NCKAP1L: variants seen among roughly 807,000 people sequenced by gnomAD.
The protein encoded by NCKAP1L is NCK associated protein 1 like, also known as nck-associated protein 1-like.
Under a neutral mutation model 139.2 loss-of-function variants are expected in NCKAP1L, and 53 were observed. The observed-to-expected ratio is 0.38, with a 90% CI of 0.31 to 0.48. NCKAP1L has a LOEUF of 0.48. Among genes scored for constraint, NCKAP1L ranks in the 20% least tolerant of loss-of-function variants. NCKAP1L has a pLI of 0.98. For synonymous variants in NCKAP1L, 468 were observed against 499.7 expected, an observed-to-expected ratio of 0.94 and a Z score of 0.85; for missense variants, 1,151 against 1,381.9, an observed-to-expected ratio of 0.83 and a Z score of 2.65.
At chr12:54,529,613 C>T (rs193034421) in intron 22 of NCKAP1L, among the ~76,000 whole-genome samples, 153 of 152,330 alleles carry the variant, frequency 1.0e-3, no homozygotes, top group African/African-American at 3.4e-3. Flanking sequence ...GCTGACCCTA[C>T]GCTTTACCTG....
chr12:54,515,395 G>A (rs1215360038), intron 9 of NCKAP1L, among the ~76,000 whole-genome samples: 1 of 152,220 alleles, frequency 6.6e-6, no homozygotes, highest in African/African-American at 2.4e-5. Context: ...CTAAGATAAT[G>A]CTGGGATTCT....
In NCKAP1L at chr12:54,516,976, G is replaced by A. The variant is rs943110139; in HGVS notation, c.1079G>A (p.Gly360Glu). ...ELETVLADEP[G>E]LLGPKALFAF... is the part of the protein sequence containing the mutation. ...GAGACTGTGTTGGCTGATGAACCGG[G>A]ACTACTGGGTCCTAAGGCAAGAGGA... The change falls in exon 11 of 31, where the codon GGA becomes GAA. Residue 360 changes from glycine (G) to glutamate (E), a missense_variant. Physicochemically the swap from Gly to Glu is moderately conservative, Grantham distance 98. Transcript: ENST00000293373. 1.9e-6 allele frequency: 3 copies of A among 1,612,252 alleles called. No individual in the cohort carries two copies. Among genetic ancestry groups the A allele is most frequent in the Non-Finnish European group, 1.7e-6 (2 of 1,178,782 alleles).
At chr12:54,508,997 G>A (rs560853654) in intron 5 of NCKAP1L, among the ~76,000 whole-genome samples, 18 of 152,188 alleles carry the variant, frequency 1.2e-4, no homozygotes, top group Non-Finnish European at 2.4e-4. Context: ...TTTTAATCCT[G>A]GACTGGCTTC....
chr12:54,520,483 T>C lies in NCKAP1L; in HGVS notation c.1626-211T>C, dbSNP rs1056923916. On this transcript the variant is annotated intron_variant, in intron 16 of 30. Coordinates refer to ENST00000293373, the MANE Select transcript of NCKAP1L (RefSeq NM_005337.5). ...GGTCCTTTATAAAAGTCTGGAAGGA[T>C]TAAGTTTCTTGGGTTCCGTTCTATC... 2.6e-4 allele frequency among the ~76,000 whole-genome samples: 40 copies of C among 152,178 alleles called. 1 individual carries two copies. The highest frequency in any genetic ancestry group is 2.5e-4 in the Non-Finnish European group (17 of 68,032).
At position 54,547,910 on chromosome 12, in the gene NCKAP1L, A is replaced by G. The variant is rs942980855; in HGVS notation, c.*5225A>G. 8.5e-5 allele frequency: 13 copies of G among 152,210 alleles called. No homozygotes were observed. Among genetic ancestry groups the G allele is most frequent in the African/African-American group, 3.1e-4 (13 of 41,434 alleles). 9.4% of individuals were successfully genotyped at this position (152,210 alleles called of 1,614,324 possible). On this transcript the variant is annotated 3_prime_UTR_variant, in exon 31 of 31. Coordinates refer to ENST00000293373, the MANE Select transcript of NCKAP1L (RefSeq NM_005337.5). ...GGATGTGTGCTAAAGGTAGATGGAC[A>G]GAGGGTGGGAAGTCCCTTATTATTT...
rs1184344652 is a variant in NCKAP1L, at chr12:54,511,836, G to C, written c.769G>C (p.Glu257Gln). ...ACEYLSVEVMERWIIIGFLLC... is the reference protein window; with the variant it reads ...ACEYLSVEVMQRWIIIGFLLC... ...TGAGTATCTGTCTGTGGAAGTAATG[G>C]AGCGCTGGATTATCAGTAAGTTTAG... The change falls in exon 8 of 31, where the codon GAG becomes CAG. Residue 257 changes from glutamate (E) to glutamine (Q), a missense_variant. Transcript: ENST00000293373. The C allele has an allele frequency of 1.2e-6, 2 of 1,614,206 alleles. No homozygotes were observed. Among genetic ancestry groups the C allele is most frequent in the South Asian group, 2.2e-5 (2 of 91,078 alleles).
chr12:54,510,018 A>G, intron 7 of NCKAP1L, 33 bp downstream of exon 7: 1 of 1,611,884 alleles, frequency 6.2e-7, no homozygotes. Flanking sequence ...TAGTGGAAGC[A>G]TTCTCTTTGC....
Position 54,509,910 on chromosome 12 carries a change from G to A in NCKAP1L, c.660G>A (p.Glu220=), listed in dbSNP as rs1440478655. ...TTGTCCGAAGAAACCAGGGGGCTGA[G>A]CAGTGGCGCAGTGCCCAACTTCTAA... The part of the protein sequence containing the change: ...FLFVRRNQGA[E]QWRSAQLLSL... The change falls in exon 7 of 31, where the codon GAG becomes GAA. Residue 220 remains glutamate, a synonymous_variant. Coordinates refer to ENST00000293373, the MANE Select transcript of NCKAP1L (RefSeq NM_005337.5). The A allele has an allele frequency of 3.7e-6, 6 of 1,614,124 alleles. No homozygotes were observed. Among genetic ancestry groups the A allele is most frequent in the Non-Finnish European group, 4.2e-6 (5 of 1,180,046 alleles).
In NCKAP1L at chr12:54,545,843, A is replaced by G. The variant is rs1156772149; in HGVS notation, c.*3158A>G. 1 of 152,244 alleles carries G rather than the reference A, an allele frequency of 6.6e-6. No individual in the cohort carries two copies. Among genetic ancestry groups the G allele is most frequent in the Non-Finnish European group, 1.5e-5 (1 of 68,046 alleles). 9.4% of individuals were successfully genotyped at this position (152,244 alleles called of 1,614,324 possible). ...TGCCTCCCACAAGGCCTGGGGCAAG[A>G]TACTTGCATAGGTGCCCCCTTTTGT... is the stretch of plus-strand genomic sequence containing the variant. On this transcript the variant is annotated 3_prime_UTR_variant, in exon 31 of 31. Transcript: ENST00000293373.
chr12:54,507,210 C>T (rs200083448), intron 3 of NCKAP1L, among the ~76,000 whole-genome samples: 2 of 151,970 alleles, frequency 1.3e-5, no homozygotes, highest in South Asian at 2.1e-4. Flanking sequence ...TTTACCTGGG[C>T]GTTCTGCAGG....
intron 19 of NCKAP1L, 121 bp from the exon 20 acceptor site, chr12:54,523,704 C>A (rs1957004830): frequency 1.4e-6 from 2 of 1,453,338 alleles, no homozygotes; most frequent in African/African-American, 2.8e-5. Context: ...TTGAAGTCTA[C>A]ATCAATGTGT....
Position 54,523,532 on chromosome 12 carries a change from G to A in NCKAP1L, c.2017G>A (p.Val673Ile). 5 of 1,612,768 alleles carry A rather than the reference G, an allele frequency of 3.1e-6. No individual in the cohort carries two copies. Among genetic ancestry groups the A allele is most frequent in the East Asian group, 2.2e-5 (1 of 44,868 alleles). The change falls in exon 19 of 31, where the codon GTC becomes ATC. Residue 673 changes from valine (V) to isoleucine (I), a missense_variant. By Grantham distance (29) the Val-to-Ile change is conservative. Coordinates refer to ENST00000293373, the MANE Select transcript of NCKAP1L (RefSeq NM_005337.5). ...AESHRKNRSI[V>I]TNMDKLHLNL... ...GAGTCACCGGAAGAACCGCAGCATT[G>A]TCACCAAGTGAGGACCTGGGCCCTA...
chr12:54,521,336 A>C, intron 18 of NCKAP1L, 98 bp downstream of exon 18: 1 of 1,530,276 alleles, frequency 6.5e-7, no homozygotes, highest in East Asian at 2.3e-5. Context: ...CAAGCTCAGT[A>C]ACTCTTTCTC....
intron 3 of NCKAP1L, among the ~76,000 whole-genome samples, chr12:54,506,142 A>G (rs921042599): frequency 6.6e-6 from 1 of 152,194 alleles, no homozygotes; most frequent in Admixed American, 6.5e-5. Flanking sequence ...TAAATCTAGA[A>G]GTTGAATTGC....
At position 54,517,895 on chromosome 12, in the gene NCKAP1L, A is replaced by G. The variant is rs1380737098; in HGVS notation, c.1295A>G (p.Tyr432Cys). ...IKVIQQYHLQ[Y>C]LARFDALVLS... ...GTGATACAGCAATACCACCTTCAGT[A>G]CTTGGCAAGATTTGATGCTCTTGTG... Residue 432 changes from tyrosine (Y) to cysteine (C), a missense_variant, in exon 13 of 31, where the codon TAC (tyrosine) becomes TGC (cysteine). Transcript: ENST00000293373. The G allele has an allele frequency of 9.9e-6, 16 of 1,614,050 alleles. No homozygotes were observed. Among genetic ancestry groups the G allele is most frequent in the Non-Finnish European group, 1.4e-5 (16 of 1,180,024 alleles).
chr12:54,537,125 C>T, intron 29 of NCKAP1L, 72 bp downstream of exon 29: 2 of 1,035,768 alleles, frequency 1.9e-6, no homozygotes, highest in South Asian at 2.7e-5. Flanking sequence ...AATCTGTAGA[C>T]AATTATCGTT....
In NCKAP1L at chr12:54,531,552, A is replaced by G. The variant is rs767184316; in HGVS notation, c.2666A>G (p.Asp889Gly). 2 of 1,614,210 alleles carry G rather than the reference A, an allele frequency of 1.2e-6. No individual in the cohort carries two copies. The highest frequency in any genetic ancestry group is 1.7e-6 in the Non-Finnish European group (2 of 1,180,024). Reference protein sequence around the residue: ...VQIRSNFSKPDLMASLLPQLT... With the variant: ...VQIRSNFSKPGLMASLLPQLT... Reference sequence around the variant, plus strand: ...ATCAGATCCAACTTTAGCAAGCCGGACTTGATGGCTTCCCTGCTGCCCCAG... The same window carrying G: ...ATCAGATCCAACTTTAGCAAGCCGGGCTTGATGGCTTCCCTGCTGCCCCAG... The change falls in exon 24 of 31, where the codon GAC becomes GGC. Residue 889 changes from aspartate (D) to glycine (G), a missense_variant. Coordinates refer to ENST00000293373, the MANE Select transcript of NCKAP1L (RefSeq NM_005337.5).
chr12:54,531,217 T>C, intron 22 of NCKAP1L, 43 bp from the exon 23 acceptor site: 3 of 1,412,040 alleles, frequency 2.1e-6, no homozygotes, highest in Non-Finnish European at 3.0e-6. Flanking sequence ...AATACTCCAG[T>C]GCCTTCTGAG....
Position 54,545,609 on chromosome 12 carries a change from C to T in NCKAP1L, c.*2924C>T, listed in dbSNP as rs1482447037. On this transcript the variant is annotated 3_prime_UTR_variant, in exon 31 of 31. Coordinates refer to ENST00000293373, the MANE Select transcript of NCKAP1L (RefSeq NM_005337.5). ...TTCCTTTACCAGGAGGGTCTCTGTC[C>T]TCTTACAACCTGGGAAAAAATAAGT... The T allele has an allele frequency of 6.6e-6, 1 of 152,180 alleles. No individual in the cohort carries two copies. Among genetic ancestry groups the T allele is most frequent in the Non-Finnish European group, 1.5e-5 (1 of 68,028 alleles). 9.4% of individuals were successfully genotyped at this position (152,180 alleles called of 1,614,324 possible). A position where few individuals can be genotyped will look rare whatever the true frequency, so the allele number is the denominator to read the frequency against.
Sources: allele counts gnomAD v4.1 joint callset (sites outside exome capture counted in the v4.1 genomes callset), GRCh38; gene constraint gnomAD v4.1.1; transcripts MANE v1.5; gene names NCBI Gene and HGNC (gene_info 2026-07-23, HGNC 2026-07-21).